ANK2: variants seen among roughly 807,000 people sequenced by gnomAD.
ANK2 encodes ankyrin-2.
Under a neutral mutation model 360.5 loss-of-function variants are expected in ANK2, and 83 were observed. That is an observed-to-expected ratio of 0.23 (90% CI 0.19 to 0.28). The LOEUF is 0.28. ANK2 is among the 10% of genes least tolerant of loss of function. The pLI is 1.00. For missense variants in ANK2, 4,201 were observed against 4,795.7 expected (o/e 0.88, Z 3.66); for synonymous variants, 1,740 against 1,759.5 (o/e 0.99, Z 0.28).
chr4:112,903,802 C>T (rs1318020279), intron 1 of ANK2, among the ~76,000 whole-genome samples: 1 of 152,152 alleles, frequency 6.6e-6, no homozygotes, highest in Non-Finnish European at 1.5e-5. Context: ...TGTATCCTGG[C>T]TCTGGCATTT....
chr4:113,262,463 C>G (rs980503733), intron 13 of ANK2, among the ~76,000 whole-genome samples: 1 of 152,140 alleles, frequency 6.6e-6, no homozygotes, highest in Admixed American at 6.5e-5. Flanking sequence ...TGCTTGACTT[C>G]AAGCAATACT....
chr4:113,048,270 ATATATATTTTTTTTTTTTT>A (rs1487472871), upstream of ANK2, among the ~76,000 whole-genome samples: 16 of 62,298 alleles, frequency 2.6e-4, no homozygotes, highest in Admixed American at 4.3e-4. Flanking sequence ...ATATATATAT[ATATATATTTTTTTTTTTTT>A]TTTTTTTTTT....
At chr4:113,215,856 T>C (rs186608692) in intron 4 of ANK2, among the ~76,000 whole-genome samples, 9 of 152,280 alleles carry the variant, frequency 5.9e-5, no homozygotes, top group African/African-American at 1.9e-4. Flanking sequence ...ATCTACAATT[T>C]TTCTATCTTC....
intron 2 of ANK2, among the ~76,000 whole-genome samples, chr4:112,999,734 G>A (rs1006058038): frequency 2.0e-5 from 3 of 150,944 alleles, no homozygotes; most frequent in Non-Finnish European, 2.9e-5. Flanking sequence ...ATAGAGGAAA[G>A]GTTTTGGCTA....
intron 1 of ANK2, among the ~76,000 whole-genome samples, chr4:113,153,273 A>T (rs1583200672): frequency 6.6e-6 from 1 of 152,308 alleles, no homozygotes; most frequent in East Asian, 1.9e-4. Flanking sequence ...AATATATTAG[A>T]ACTAGAGCTG....
At chr4:112,706,619 A>T in the ANK2 span, 1 of 152,306 alleles carries the variant, frequency 6.6e-6, no homozygotes, top group Non-Finnish European at 1.5e-5. Flanking sequence ...GGTACCCCAG[A>T]CCCAAACTCC....
At chr4:113,093,209 A>G (rs17045555) in intron 1 of ANK2, among the ~76,000 whole-genome samples, 15,033 of 152,206 alleles carry the variant, frequency 0.099, 837 homozygotes, top group African/African-American at 0.14. Flanking sequence ...CTGTTCTGTG[A>G]CATTATATTG....
chr4:112,774,487 C>T, the ANK2 span, among the ~76,000 whole-genome samples: 5 of 152,264 alleles, frequency 3.3e-5, no homozygotes, highest in Non-Finnish European at 7.4e-5. Flanking sequence ...GATCGCGCCA[C>T]GGCACCTCCA....
At chr4:113,368,991 A>G (rs2096634752) in intron 42 of ANK2, among the ~76,000 whole-genome samples, 1 of 152,224 alleles carries the variant, frequency 6.6e-6, no homozygotes, top group Non-Finnish European at 1.5e-5. Context: ...GACTATATCA[A>G]TGAAAAAAGT....
intron 3 of ANK2, among the ~76,000 whole-genome samples, chr4:113,198,394 C>T (rs1473608384): frequency 2.6e-5 from 4 of 151,796 alleles, no homozygotes; most frequent in Non-Finnish European, 5.9e-5. Context: ...TTTTTAATCT[C>T]TTGGCCTTTA....
chr4:113,242,300 G>T, intron 9 of ANK2, 91 bp downstream of exon 9: 1 of 1,114,978 alleles, frequency 9.0e-7, no homozygotes, highest in Non-Finnish European at 1.4e-6. Context: ...ATTAACATAA[G>T]CAATGTGTTT....
At chr4:113,302,969 T>C in intron 23 of ANK2, 130 bp downstream of exon 23, 1 of 833,406 alleles carries the variant, frequency 1.2e-6, no homozygotes, top group Non-Finnish European at 2.0e-6. Context: ...CTTTTTCACC[T>C]TTGTTTCAAT....
At chr4:113,004,952 G>A (rs73840988) in intron 2 of ANK2, among the ~76,000 whole-genome samples, 10,782 of 152,190 alleles carry the variant, frequency 0.071, 1,256 homozygotes, top group African/African-American at 0.24. Flanking sequence ...TTAATAAGCC[G>A]TAAGAGAATC....
At chr4:113,270,482 C>T (rs1174380570) in intron 14 of ANK2, among the ~76,000 whole-genome samples, 1 of 152,136 alleles carries the variant, frequency 6.6e-6, no homozygotes, top group African/African-American at 2.4e-5. Flanking sequence ...TTCTCTTTTG[C>T]AACTACATTT....
chr4:112,991,619 C>CTTTTTTTTTTTTTTTTTT (rs35505334), intron 2 of ANK2, among the ~76,000 whole-genome samples: 2 of 125,858 alleles, frequency 1.6e-5, no homozygotes, highest in Non-Finnish European at 3.2e-5. Context: ...TTCTTTCTTT[C>CTTTTTTTTTTTTTTTTTT]TTTTTTTTTT....
the ANK2 span, among the ~76,000 whole-genome samples, chr4:112,742,956 T>C: frequency 6.6e-6 from 1 of 152,136 alleles, no homozygotes; most frequent in African/African-American, 2.4e-5. Flanking sequence ...GACTGGCCTC[T>C]CATTCCACAT....
intron 1 of ANK2, among the ~76,000 whole-genome samples, chr4:112,830,316 C>T (rs960749336): frequency 6.6e-6 from 1 of 152,164 alleles, no homozygotes; most frequent in Non-Finnish European, 1.5e-5. Flanking sequence ...ATACTACAGT[C>T]ATTAAAATGA....
the ANK2 span, chr4:112,788,900 GT>G: frequency 1.5e-6 from 1 of 664,692 alleles, no homozygotes. Flanking sequence ...GGAGGAGAGA[GT>G]TTTTTTAATT....
At chr4:112,926,335 A>T (rs1390756580) in intron 2 of ANK2, among the ~76,000 whole-genome samples, 1 of 152,116 alleles carries the variant, frequency 6.6e-6, no homozygotes, top group East Asian at 1.9e-4. Flanking sequence ...TTGGTAAAAT[A>T]TTTCTTTTTC....
Sources: gnomAD v4.1 joint callset for allele counts (sites outside exome capture counted in the v4.1 genomes callset) on GRCh38, gnomAD v4.1.1 for gene constraint, MANE v1.5 for transcripts, NCBI Gene and HGNC (gene_info 2026-07-23, HGNC 2026-07-21) for gene names.